The following GNG4 variants were observed in gnomAD, a reference collection of about 807,000 sequenced individuals.
GNG4 encodes G protein subunit gamma 4, also known as guanine nucleotide-binding protein G(I)/G(S)/G(O) subunit gamma-4.
Under a neutral mutation model 5.8 loss-of-function variants are expected in GNG4, and 4 were observed. The observed-to-expected ratio is 0.69, with a 90% confidence interval of 0.34 to 1.57. The LOEUF is 1.57. GNG4 is among the 40% of genes most tolerant of loss of function. GNG4 has a pLI of 0.06. For missense variants in GNG4, 96 were observed against 95.1 expected, an observed-to-expected ratio of 1.01 and a Z score of -0.04; for synonymous variants, 29 against 32.9, an observed-to-expected ratio of 0.88 and a Z score of 0.41.
At chr1:235,587,366 TGTGA>T (rs1438083126) in intron 2 of GNG4, among the ~76,000 whole-genome samples, 4 of 54,652 alleles carry the variant, frequency 7.3e-5, no homozygotes, top group Non-Finnish European at 1.3e-4. Flanking sequence ...GTGGGGTGTG[TGTGA>T]GTGTGTGTGT....
chr1:235,558,345 T>A (rs891882337), intron 3 of GNG4, among the ~76,000 whole-genome samples: 2 of 152,200 alleles, frequency 1.3e-5, no homozygotes, highest in African/African-American at 2.4e-5. Context: ...CATCACCCCG[T>A]CTTTTCACAT....
At chr1:235,570,862 A>ATATATGTGTGTGTG (rs143958257) in intron 3 of GNG4, among the ~76,000 whole-genome samples, 11 of 141,594 alleles carry the variant, frequency 7.8e-5, no homozygotes, top group African/African-American at 2.9e-4. Flanking sequence ...ATATATATAT[A>ATATATGTGTGTGTG]TGTGTGTGTG....
chr1:235,648,099 T>C lies in GNG4; in HGVS notation c.-123+1563A>G, dbSNP rs568207648. ...CATAGGACTGCTGGGAATGGCCCCTTAGCTGTGCTGTTTCTGAGCCAGGCC... is the reference window on the plus strand; with the variant it reads ...CATAGGACTGCTGGGAATGGCCCCTCAGCTGTGCTGTTTCTGAGCCAGGCC... On this transcript the variant is annotated intron_variant, in intron 1 of 3. Coordinates refer to ENST00000391854, the MANE Select transcript of GNG4 (RefSeq NM_001098722.2). This position sits in a 1 kb window ranked among gnomAD's most constrained non-coding sequence, Gnocchi z 5.0. 5.9e-5 allele frequency among the ~76,000 whole-genome samples: 9 copies of C among 152,220 alleles called. No individual in the cohort carries two copies. The highest frequency in any genetic ancestry group is 2.2e-4 in the African/African-American group (9 of 41,510).
chr1:235,604,754 T>G (rs1413218850), intron 1 of GNG4, among the ~76,000 whole-genome samples: 8 of 152,176 alleles, frequency 5.3e-5, no homozygotes, highest in Non-Finnish European at 1.2e-4. Flanking sequence ...TATTCTGAAG[T>G]TCTGGATATA....
intron 1 of GNG4, among the ~76,000 whole-genome samples, chr1:235,643,354 CTCCCT>C (rs1248813007): frequency 5.3e-5 from 8 of 152,218 alleles, no homozygotes; most frequent in Non-Finnish European, 7.3e-5. Flanking sequence ...CAGCTCAAGA[CTCCCT>C]CTGTTGTCAC....
intron 1 of GNG4, among the ~76,000 whole-genome samples, chr1:235,632,133 T>C (rs1451970010): frequency 6.6e-6 from 1 of 152,152 alleles, no homozygotes; most frequent in African/African-American, 2.4e-5. Flanking sequence ...TCAACCAGGC[T>C]GGGGTGCAGC....
chr1:235,583,925 A>T, intron 2 of GNG4, 77 bp from the exon 3 acceptor site: 1 of 813,670 alleles, frequency 1.2e-6, no homozygotes, highest in Non-Finnish European at 2.1e-6. Context: ...CACCACCTAC[A>T]GCTTCTCTGT....
intron 3 of GNG4, among the ~76,000 whole-genome samples, chr1:235,569,678 C>A (rs1687287077): frequency 6.6e-6 from 1 of 151,934 alleles, no homozygotes; most frequent in Admixed American, 6.6e-5. Flanking sequence ...AGCGATTCTC[C>A]CACCTCAGCC....
intron 1 of GNG4, among the ~76,000 whole-genome samples, chr1:235,604,578 T>C (rs1688321878): frequency 6.6e-6 from 1 of 152,222 alleles, no homozygotes; most frequent in South Asian, 2.1e-4. Context: ...TTTGTAGACA[T>C]CACTCCAATC....
At chr1:235,633,808 G>A (rs899160584) in intron 1 of GNG4, among the ~76,000 whole-genome samples, 50 of 152,284 alleles carry the variant, frequency 3.3e-4, no homozygotes, top group African/African-American at 1.0e-3. Flanking sequence ...TCTCAACCAG[G>A]AGTCACCTGG....
At chr1:235,595,213 G>A (rs914871854) in intron 2 of GNG4, among the ~76,000 whole-genome samples, 187 bp downstream of exon 2, 1 of 152,148 alleles carries the variant, frequency 6.6e-6, no homozygotes. Flanking sequence ...TAAGGGCCCC[G>A]TGTCTGCCGT....
At chr1:235,558,301 T>C (rs1412242537) in intron 3 of GNG4, among the ~76,000 whole-genome samples, 1 of 152,216 alleles carries the variant, frequency 6.6e-6, no homozygotes, top group African/African-American at 2.4e-5. Flanking sequence ...ATAAGTCATC[T>C]TACAGCAAAA....
chr1:235,583,716 TG>T, intron 3 of GNG4, 23 bp downstream of exon 3: 1 of 1,462,824 alleles, frequency 6.8e-7, no homozygotes, highest in East Asian at 2.3e-5. Flanking sequence ...GGGCGGAGGG[TG>T]GGGCTGACGC....
intron 1 of GNG4, among the ~76,000 whole-genome samples, chr1:235,609,566 T>C (rs1020965750): frequency 6.6e-6 from 1 of 152,194 alleles, no homozygotes; most frequent in Admixed American, 6.5e-5. Context: ...CATTAAATAT[T>C]TTGAATTTTG....
At chr1:235,605,570 G>C (rs1295199556) in intron 1 of GNG4, among the ~76,000 whole-genome samples, 1 of 152,210 alleles carries the variant, frequency 6.6e-6, no homozygotes, top group Non-Finnish European at 1.5e-5. Flanking sequence ...GTAAAGGGTA[G>C]AGGGGCCAAG....
chr1:235,583,869 A>C lies in GNG4; in HGVS notation c.-10-21T>G, dbSNP rs535545198. The C allele has an allele frequency of 2.7e-6, 4 of 1,464,824 alleles. No individual in the cohort carries two copies. In the African/African-American group the frequency reaches 5.5e-5, roughly 20 times the overall value. 90.7% of individuals were successfully genotyped at this position (1,464,824 alleles called of 1,614,324 possible). ...TGCCCCTAGAAGTAACCAAAGTAAA[A>C]GGGTTAGAAGAGCTGCTCTTCCAAG... On this transcript the variant is annotated intron_variant, in intron 2 of 3. Coordinates refer to ENST00000391854, the MANE Select transcript of GNG4 (RefSeq NM_001098722.2).
At chr1:235,587,258 CAGTGTATGTG>C (rs1035213373) in intron 2 of GNG4, among the ~76,000 whole-genome samples, 15 of 63,420 alleles carry the variant, frequency 2.4e-4, no homozygotes, top group Admixed American at 1.8e-4. Context: ...TGTGTGATGA[CAGTGTATGTG>C]AGTGTGTGTG....
intron 3 of GNG4, among the ~76,000 whole-genome samples, chr1:235,580,082 T>C (rs1341341143): frequency 6.6e-6 from 1 of 152,294 alleles, no homozygotes; most frequent in East Asian, 1.9e-4. Context: ...AACTCAGCCC[T>C]GAAAAGGAAT....
chr1:235,637,900 G>A (rs1032603117), intron 1 of GNG4, among the ~76,000 whole-genome samples: 1 of 152,238 alleles, frequency 6.6e-6, no homozygotes, highest in Non-Finnish European at 1.5e-5. Context: ...GGCCCAAGGA[G>A]CTGACCTCTG....
Sources: allele counts gnomAD v4.1 joint callset (sites outside exome capture counted in the v4.1 genomes callset), GRCh38; gene constraint gnomAD v4.1.1; non-coding constraint Gnocchi (gnomAD v3.1); transcripts MANE v1.5; gene names NCBI Gene and HGNC (gene_info 2026-07-23, HGNC 2026-07-21).